Variants in ZDHHC15 observed in about 807,000 individuals in gnomAD.
ZDHHC15 encodes zDHHC palmitoyltransferase 15.
A neutral mutation model predicts 31.7 loss-of-function variants in ZDHHC15; 19 were observed. That is an observed-to-expected ratio of 0.60 (90% CI 0.42 to 0.88). ZDHHC15 has a LOEUF of 0.88. ZDHHC15 is among the 40% of genes least tolerant of loss of function. The pLI, the probability that ZDHHC15 is intolerant of heterozygous loss-of-function variation, is 0.00. For missense variants in ZDHHC15, 209 were observed against 251.2 expected (o/e 0.83, Z 1.14); for synonymous variants, 103 against 90.0 (o/e 1.14, Z -0.82).
At chrX:75,380,559 C>G (rs2083103194) in intron 10 of ZDHHC15, among the ~76,000 whole-genome samples, 1 of 111,629 alleles carries the variant, frequency 9.0e-6, no homozygotes, top group Non-Finnish European at 1.9e-5. Flanking sequence ...GAGGCTTGAG[C>G]TGAAAACCCA....
chrX:75,401,264 AAAAAG>A (rs2083353743), intron 10 of ZDHHC15, among the ~76,000 whole-genome samples: 1 of 111,354 alleles, frequency 9.0e-6, no homozygotes, highest in Non-Finnish European at 1.9e-5. Context: ...CCAAAAAAAA[AAAAAG>A]AAAAGAAAAA....
intron 3 of ZDHHC15, among the ~76,000 whole-genome samples, chrX:75,465,471 G>A (rs2084388611): frequency 9.0e-6 from 1 of 111,421 alleles, no homozygotes; most frequent in Non-Finnish European, 1.9e-5. Flanking sequence ...AAATTCGTAT[G>A]GAACCAAAAA....
In ZDHHC15 at chrX:75,372,837, T is replaced by C. The variant is rs2083016502; in HGVS notation, c.*141A>G. 1 of 111,954 alleles carries C rather than the reference T, an allele frequency of 8.9e-6. No homozygotes were observed. Among genetic ancestry groups the C allele is most frequent in the Non-Finnish European group, 1.9e-5 (1 of 53,134 alleles). The allele number at this position is 111,954 out of a possible 1,213,427, so 9.2% of individuals were successfully genotyped here. On this transcript the variant is annotated 3_prime_UTR_variant, in exon 12 of 12. Transcript: ENST00000373367. ...TTACACAGCAAGTATTTGATGGAAT[T>C]CTTTCAAATTTTGAAGCTTTCAATC...
chrX:75,442,605 C>A (rs988175722), intron 4 of ZDHHC15, among the ~76,000 whole-genome samples: 1 of 111,586 alleles, frequency 9.0e-6, no homozygotes, highest in African/African-American at 3.3e-5. Context: ...ATGTGAAGGA[C>A]CTTTTCAAGG....
intron 2 of ZDHHC15, among the ~76,000 whole-genome samples, chrX:75,504,353 G>T (rs1011676900): frequency 9.0e-6 from 1 of 111,581 alleles, no homozygotes; most frequent in African/African-American, 3.3e-5. Context: ...ATACTGTATT[G>T]TGTTTTACTT....
At chrX:75,476,733 T>C (rs1178738714) in intron 3 of ZDHHC15, among the ~76,000 whole-genome samples, 1 of 103,244 alleles carries the variant, frequency 9.7e-6, no homozygotes. Context: ...CTCCTCCTCT[T>C]CCTCCCCTCC....
At chrX:75,398,030 G>A (rs2083316522) in intron 10 of ZDHHC15, among the ~76,000 whole-genome samples, 1 of 112,077 alleles carries the variant, frequency 8.9e-6, no homozygotes, top group South Asian at 3.7e-4. Flanking sequence ...CCCACAAAGT[G>A]GGAGGTTAGA....
intron 10 of ZDHHC15, among the ~76,000 whole-genome samples, chrX:75,407,286 C>T (rs1339704247): frequency 1.8e-5 from 2 of 111,501 alleles, no homozygotes; most frequent in Non-Finnish European, 3.8e-5. Context: ...AGGAGCCCCT[C>T]CGCCCAGCAG....
intron 1 of ZDHHC15, among the ~76,000 whole-genome samples, chrX:75,517,674 A>G (rs1245949557): frequency 9.2e-6 from 1 of 108,943 alleles, no homozygotes; most frequent in African/African-American, 3.3e-5. Flanking sequence ...CCAACATGGC[A>G]CATGTATACA....
chrX:75,421,589 G>T (rs1161069814), intron 9 of ZDHHC15, among the ~76,000 whole-genome samples: 3 of 97,515 alleles, frequency 3.1e-5, no homozygotes, highest in Admixed American at 2.4e-4. Context: ...CTGGGATGTT[G>T]GGCAAGTAGA....
chrX:75,427,027 A>T (rs2083722648), intron 7 of ZDHHC15, among the ~76,000 whole-genome samples: 2 of 112,248 alleles, frequency 1.8e-5, no homozygotes, highest in African/African-American at 6.5e-5. Flanking sequence ...AGTACCATAC[A>T]AATGAAGGTT....
At chrX:75,505,946 T>C in intron 1 of ZDHHC15, 99 bp from the exon 2 acceptor site, 1 of 776,307 alleles carries the variant, frequency 1.3e-6, no homozygotes, top group Non-Finnish European at 1.9e-6. Context: ...CTTGTCTAAC[T>C]CATTTTCCAC....
intron 4 of ZDHHC15, among the ~76,000 whole-genome samples, chrX:75,440,741 T>C (rs770067601): frequency 9.0e-6 from 1 of 111,627 alleles, no homozygotes; most frequent in Non-Finnish European, 1.9e-5. Context: ...GGCAGGGACA[T>C]AGAACTCCCA....
At chrX:75,397,750 A>G (rs1389778887) in intron 10 of ZDHHC15, among the ~76,000 whole-genome samples, 2 of 111,491 alleles carry the variant, frequency 1.8e-5, no homozygotes, top group Non-Finnish European at 3.8e-5. Context: ...TGACCCACAG[A>G]GAACAAAGAA....
At chrX:75,468,771 T>G (rs1245711921) in intron 3 of ZDHHC15, among the ~76,000 whole-genome samples, 1 of 112,088 alleles carries the variant, frequency 8.9e-6, no homozygotes, top group East Asian at 2.8e-4. Flanking sequence ...GCTATCCTAG[T>G]AGGTATCTAT....
chrX:75,396,638 G>T (rs1283881667), intron 10 of ZDHHC15, among the ~76,000 whole-genome samples: 1 of 111,645 alleles, frequency 9.0e-6, no homozygotes, highest in Non-Finnish European at 1.9e-5. Flanking sequence ...TCTACTCCTA[G>T]TTATATACTG....
At chrX:75,441,281 C>T (rs2083936595) in intron 4 of ZDHHC15, among the ~76,000 whole-genome samples, 1 of 111,788 alleles carries the variant, frequency 8.9e-6, no homozygotes, top group Non-Finnish European at 1.9e-5. Context: ...CCCCAAGGAA[C>T]CCTTGAAATA....
chrX:75,432,352 T>C (rs2083790497), intron 4 of ZDHHC15, among the ~76,000 whole-genome samples: 1 of 111,753 alleles, frequency 8.9e-6, no homozygotes, highest in African/African-American at 3.3e-5. Context: ...TTTGAACTAA[T>C]ATAATCATTT....
At chrX:75,402,701 T>A (rs762238035) in intron 10 of ZDHHC15, among the ~76,000 whole-genome samples, 1 of 111,197 alleles carries the variant, frequency 9.0e-6, no homozygotes, top group Non-Finnish European at 1.9e-5. Context: ...ATGGACTCCT[T>A]GAAAAGACCA....
Sources: gnomAD v4.1 joint callset for allele counts (sites outside exome capture counted in the v4.1 genomes callset) on GRCh38, gnomAD v4.1.1 for gene constraint, MANE v1.5 for transcripts, NCBI Gene and HGNC (gene_info 2026-07-23, HGNC 2026-07-21) for gene names.